Variants in RBM39 observed in about 807,000 individuals in gnomAD.
The protein encoded by RBM39 is RNA-binding protein 39.
A neutral mutation model predicts 79.6 loss-of-function variants in RBM39; 12 were observed. The observed-to-expected ratio is 0.15, with a 90% CI of 0.10 to 0.24. The LOEUF is 0.24. Among genes scored for constraint, RBM39 ranks in the 10% least tolerant of loss-of-function variants. The pLI, the probability that RBM39 is intolerant of heterozygous loss-of-function variation, is 1.00. For missense variants in RBM39, 243 were observed against 653.4 expected (o/e 0.37, Z 6.85); for synonymous variants, 185 against 208.4 (o/e 0.89, Z 0.97).
chr20:35,702,120 C>T lies in RBM39; in HGVS notation c.*2361G>A, dbSNP rs2035311704. 1.3e-5 allele frequency: 2 copies of T among 152,154 alleles called. No homozygotes were observed. Among genetic ancestry groups the T allele is most frequent in the South Asian group, 4.1e-4 (2 of 4,826 alleles). The allele number at this position is 152,154 out of a possible 1,614,324, so 9.4% of individuals were successfully genotyped here. A position where few individuals can be genotyped will look rare whatever the true frequency, so the allele number is the denominator to read the frequency against. On this transcript the variant is annotated 3_prime_UTR_variant, in exon 17 of 17. Coordinates refer to ENST00000253363, the MANE Select transcript of RBM39 (RefSeq NM_184234.3). ...AGTTGTCCATCTCACCTGCCCAGGC[C>T]ACGCAGACCCTGGAGTTACTAACCC...
chr20:35,736,550 T>A (rs1024916555), intron 3 of RBM39: 2 of 470,636 alleles, frequency 4.2e-6, no homozygotes, highest in Non-Finnish European at 8.8e-6. Context: ...ACATACTTAC[T>A]ATGAAGCATT....
rs545162298 is a variant in RBM39 at position 35,707,369 on chromosome 20, T to C, written c.1226-168A>G. On this transcript the variant is annotated intron_variant, in intron 13 of 16. Coordinates refer to ENST00000253363, the MANE Select transcript of RBM39 (RefSeq NM_184234.3). ...ACTAATGTATGTTATCAGTAGCTTT[T>C]AGGTGCCAGAAAACTGAGGTAACCT... is the stretch of plus-strand genomic sequence containing the variant. 53 of 414,928 alleles carry C rather than the reference T, an allele frequency of 1.3e-4. 1 individual carries two copies. The East Asian group carries it at 2.0e-3, about 16-fold the overall frequency. The allele number at this position is 414,928 out of a possible 1,614,324, so 25.7% of individuals were successfully genotyped here. A position where few individuals can be genotyped will look rare whatever the true frequency, so the allele number is the denominator to read the frequency against.
At chr20:35,722,857 C>G (rs947171863) in intron 8 of RBM39, among the ~76,000 whole-genome samples, 8 of 151,598 alleles carry the variant, frequency 5.3e-5, no homozygotes, top group Non-Finnish European at 8.8e-5. Flanking sequence ...TGGCGTGAAC[C>G]CAGGAGACGG....
At chr20:35,740,988 G>T in intron 1 of RBM39, 101 bp from the exon 2 acceptor site, 1 of 485,538 alleles carries the variant, frequency 2.1e-6, no homozygotes, top group Non-Finnish European at 3.6e-6. Flanking sequence ...TTCTCTAAAC[G>T]CCTAGGAAAA....
chr20:35,717,103 A>G (rs982429040), intron 9 of RBM39, among the ~76,000 whole-genome samples: 4 of 152,088 alleles, frequency 2.6e-5, no homozygotes, highest in Non-Finnish European at 5.9e-5. Context: ...AACATGACGA[A>G]ATCAGGTCTC....
intron 3 of RBM39, chr20:35,735,132 A>G: frequency 8.3e-6 from 12 of 1,454,174 alleles, no homozygotes; most frequent in Non-Finnish European, 9.0e-6. Context: ...AAATTTATAG[A>G]TAATCCACAC....
At chr20:35,741,302 G>A (rs1370468118) in intron 1 of RBM39, among the ~76,000 whole-genome samples, 1 of 151,902 alleles carries the variant, frequency 6.6e-6, no homozygotes, top group African/African-American at 2.4e-5. Flanking sequence ...CCAAACTGCT[G>A]GGATTACAGG....
intron 14 of RBM39, among the ~76,000 whole-genome samples, chr20:35,706,298 G>T (rs1340433705): frequency 6.6e-6 from 1 of 151,974 alleles, no homozygotes. Flanking sequence ...AGCCGGTGGC[G>T]CCACTATACT....
Position 35,713,000 on chromosome 20 carries a change from GA to G in RBM39, c.1174+18del, listed in dbSNP as rs1384891779. 3 of 1,583,678 alleles carry G rather than the reference GA, an allele frequency of 1.9e-6. No individual in the cohort carries two copies. The highest frequency in any genetic ancestry group is 1.7e-6 in the Non-Finnish European group (2 of 1,169,416). On this transcript the variant is annotated intron_variant, in intron 12 of 16. Coordinates refer to ENST00000253363, the MANE Select transcript of RBM39 (RefSeq NM_184234.3). Reference sequence around the variant, plus strand: ...TAGATGAAAAAACGATTTAAAATTAGAAAAGATTCAATTCCTACCTGCCACA... The same window carrying G: ...TAGATGAAAAAACGATTTAAAATTAGAAAGATTCAATTCCTACCTGCCACA...
Position 35,702,407 on chromosome 20 carries a change from A to C in RBM39, c.*2074T>G, listed in dbSNP as rs1282431782. On this transcript the variant is annotated 3_prime_UTR_variant, in exon 17 of 17. Transcript: ENST00000253363. ...TACACTCCAACCACATTTCCTCTGA[A>C]CATTATTTACACACCAAATTTCACT... The C allele has an allele frequency of 6.6e-6, 1 of 152,232 alleles. No individual in the cohort carries two copies. The highest frequency in any genetic ancestry group is 1.5e-5 in the Non-Finnish European group (1 of 68,050). 9.4% of individuals were successfully genotyped at this position (152,232 alleles called of 1,614,324 possible).
intron 3 of RBM39, among the ~76,000 whole-genome samples, chr20:35,735,430 G>A (rs922486976): frequency 2.6e-5 from 4 of 152,058 alleles, no homozygotes; most frequent in Non-Finnish European, 5.9e-5. Context: ...TTAAGAATCA[G>A]AATTATACAA....
At chr20:35,727,650 AT>A (rs149113488) in intron 6 of RBM39, among the ~76,000 whole-genome samples, 14,368 of 129,924 alleles carry the variant, frequency 0.11, 719 homozygotes, top group Middle Eastern at 0.16. Flanking sequence ...TAATTTTTGT[AT>A]TTTTTTTTTT....
chr20:35,711,314 T>G (rs1259879993), intron 12 of RBM39, among the ~76,000 whole-genome samples: 1 of 152,140 alleles, frequency 6.6e-6, no homozygotes, highest in Admixed American at 6.5e-5. Flanking sequence ...AAAAAAAACC[T>G]TTCAAACTGT....
rs2035455720 is a variant in RBM39 at position 35,704,137 on chromosome 20, A to AATTT, written c.*343_*344insAAAT. On this transcript the variant is annotated 3_prime_UTR_variant, in exon 17 of 17. Coordinates refer to ENST00000253363, the MANE Select transcript of RBM39 (RefSeq NM_184234.3). ...AAATGTGAAATGTAACCACTGTGTA[A>AATTT]AAAGTTAGGCTTCTGAAACATTAAA... 5.8e-6 allele frequency: 1 copy of AATTT among 171,660 alleles called. No homozygotes were observed. Among genetic ancestry groups the AATTT allele is most frequent in the Admixed American group, 5.6e-5 (1 of 17,916 alleles). 10.6% of individuals were successfully genotyped at this position (171,660 alleles called of 1,614,324 possible).
intron 2 of RBM39, chr20:35,739,871 TA>T (rs1478420886): frequency 5.7e-6 from 1 of 175,984 alleles, no homozygotes; most frequent in African/African-American, 2.4e-5. Context: ...ATGTTTATTT[TA>T]AAGTTTGATT....
intron 10 of RBM39, 146 bp from the exon 11 acceptor site, chr20:35,714,535 A>G: frequency 8.4e-7 from 1 of 1,194,574 alleles, no homozygotes; most frequent in Non-Finnish European, 1.1e-6. Flanking sequence ...AGTAGCAAAC[A>G]CAACATACAT....
At chr20:35,739,079 G>A in intron 2 of RBM39, 62 bp from the exon 3 acceptor site, 2 of 1,311,484 alleles carry the variant, frequency 1.5e-6, no homozygotes, top group Non-Finnish European at 1.1e-6. Flanking sequence ...AGTTGTCAAA[G>A]GGTAAAGGGA....
At chr20:35,740,266 C>T (rs770900669) in intron 2 of RBM39, 1 of 186,474 alleles carries the variant, frequency 5.4e-6, no homozygotes, top group South Asian at 8.0e-5. Context: ...CAGCAGATTG[C>T]CACTGGACTG....
chr20:35,711,513 A>G (rs1255490206), intron 12 of RBM39, among the ~76,000 whole-genome samples: 1 of 152,214 alleles, frequency 6.6e-6, no homozygotes, highest in African/African-American at 2.4e-5. Flanking sequence ...ACTGGTTCTG[A>G]TTCTTGTAAG....
Sources: allele counts gnomAD v4.1 joint callset (sites outside exome capture counted in the v4.1 genomes callset), GRCh38; gene constraint gnomAD v4.1.1; transcripts MANE v1.5; gene names NCBI Gene and HGNC (gene_info 2026-07-23, HGNC 2026-07-21).